Variants in CELF2 observed in about 807,000 individuals in gnomAD.
CELF2 encodes the protein CUG triplet repeat RNA-binding protein 2.
Under a neutral mutation model 62.6 loss-of-function variants are expected in CELF2, and 8 were observed. That is an observed-to-expected ratio of 0.13 (90% CI 0.07 to 0.23). The LOEUF (loss-of-function observed/expected upper bound fraction) is 0.23, where lower values mean the gene tolerates loss of function less well. Among genes scored for constraint, CELF2 ranks in the 10% least tolerant of loss-of-function variants. The pLI is 1.00. For synonymous variants in CELF2, 258 were observed against 250.0 expected (o/e 1.03, Z -0.30); for missense variants, 333 against 671.0 (o/e 0.50, Z 5.56).
At chr10:10,961,434 C>G (rs751260544) in intron 2 of CELF2, among the ~76,000 whole-genome samples, 3 of 152,104 alleles carry the variant, frequency 2.0e-5, no homozygotes, top group Non-Finnish European at 4.4e-5. Context: ...CTCAGTAACA[C>G]GGAAGATTTT....
Position 11,306,221 on chromosome 10 carries a change from GGT to G in CELF2, c.977-7915_977-7914del. On this transcript the variant is annotated intron_variant, in intron 9 of 12. Coordinates refer to ENST00000633077, the MANE Select transcript of CELF2 (RefSeq NM_001326342.2). The surrounding 1 kb of genome is among the most constrained non-coding windows in gnomAD (Gnocchi z 4.4). ...GGATGGTGCAGCCTCTGCTTGAAGA[GGT>G]GTTCTGGGAGATTATGAACCAACAT... Among the ~76,000 whole-genome samples the G allele has an allele frequency of 6.6e-6, 1 of 151,890 alleles. No homozygotes were observed. The highest frequency in any genetic ancestry group is 1.5e-5 in the Non-Finnish European group (1 of 67,998).
intron 1 of CELF2, among the ~76,000 whole-genome samples, chr10:10,833,221 GGCACATA>G (rs2058020855): frequency 6.6e-6 from 1 of 152,158 alleles, no homozygotes; most frequent in South Asian, 2.1e-4. Flanking sequence ...TTAGCATTAT[GGCACATA>G]GCCCATTCTC....
chr10:10,687,495 G>A, the CELF2 span, among the ~76,000 whole-genome samples: 3,223 of 152,164 alleles, frequency 0.021, 91 homozygotes, highest in South Asian at 0.077. Flanking sequence ...TTGAAAAGTA[G>A]GTATTGTTCT....
intron 1 of CELF2, among the ~76,000 whole-genome samples, chr10:10,855,418 A>G (rs545950990): frequency 6.6e-6 from 1 of 152,332 alleles, no homozygotes; most frequent in South Asian, 2.1e-4. Flanking sequence ...ATCCATTGGC[A>G]CTGGTGTGAA....
chr10:11,155,879 C>T (rs1434728924), intron 1 of CELF2, among the ~76,000 whole-genome samples: 1 of 152,176 alleles, frequency 6.6e-6, no homozygotes, highest in African/African-American at 2.4e-5. Context: ...TCCTTGATTA[C>T]ACATCATTTA....
At position 11,223,020 on chromosome 10, in the gene CELF2, C is replaced by T. The variant is rs74896699; in HGVS notation, c.354+5513C>T. ...AAGTCCTCCCCGTTCTCTGTGCAGC[C>T]TGCTGGCTTAGTCTCAATTACTTTG... On this transcript the variant is annotated intron_variant, in intron 3 of 12. Coordinates refer to ENST00000633077, the MANE Select transcript of CELF2 (RefSeq NM_001326342.2). This position sits in a 1 kb window ranked among gnomAD's most constrained non-coding sequence, Gnocchi z 5.1. Among the ~76,000 whole-genome samples the T allele has an allele frequency of 0.061, 9,346 of 152,304 alleles. 399 individuals carry two copies. The highest frequency in any genetic ancestry group is 0.12 in the African/African-American group (5,066 of 41,552).
At chr10:10,624,273 T>A in the CELF2 span, among the ~76,000 whole-genome samples, 1 of 152,252 alleles carries the variant, frequency 6.6e-6, no homozygotes, top group East Asian at 1.9e-4. Flanking sequence ...AAATCTGGTC[T>A]GTATCAGTTT....
At chr10:11,088,160 G>T (rs2047323510) in intron 1 of CELF2, among the ~76,000 whole-genome samples, 1 of 152,220 alleles carries the variant, frequency 6.6e-6, no homozygotes, top group Non-Finnish European at 1.5e-5. Context: ...CAGAAAGGAG[G>T]CTAGAGTGAA....
the CELF2 span, among the ~76,000 whole-genome samples, chr10:10,473,389 C>T: frequency 6.6e-6 from 1 of 151,932 alleles, no homozygotes; most frequent in African/African-American, 2.4e-5. Flanking sequence ...TGCTAACCTG[C>T]TTATTTTGAA....
chr10:10,856,107 C>A (rs1224271702), intron 1 of CELF2, among the ~76,000 whole-genome samples: 4 of 152,088 alleles, frequency 2.6e-5, no homozygotes, highest in Admixed American at 2.6e-4. Flanking sequence ...ACTGAGTGAG[C>A]CAGAGCTTCT....
Position 11,332,343 on chromosome 10 carries a change from T to G in CELF2, c.*3290T>G, listed in dbSNP as rs2096042902. 1 of 152,278 alleles carries G rather than the reference T, an allele frequency of 6.6e-6. No homozygotes were observed. Among genetic ancestry groups the G allele is most frequent in the East Asian group, 1.9e-4 (1 of 5,202 alleles). The allele number at this position is 152,278 out of a possible 1,614,324, so 9.4% of individuals were successfully genotyped here. ...CTAAATAATATTTCTAATCAGCCAT[T>G]ATGCTGGGGCATCTCTGATCCCAGT... On this transcript the variant is annotated 3_prime_UTR_variant, in exon 13 of 13. Transcript: ENST00000633077.
chr10:11,147,500 G>A (rs2132511485), intron 1 of CELF2, among the ~76,000 whole-genome samples: 2 of 152,186 alleles, frequency 1.3e-5, no homozygotes, highest in Middle Eastern at 6.8e-3. Flanking sequence ...TGAGCCCCAG[G>A]AGCTTCTGTA....
chr10:10,719,725 T>C, the CELF2 span, among the ~76,000 whole-genome samples: 1 of 152,184 alleles, frequency 6.6e-6, no homozygotes, highest in Non-Finnish European at 1.5e-5. Flanking sequence ...CTGTGCCTCA[T>C]CTAATCTGTA....
In CELF2 at chr10:11,314,209, A is replaced by G. The variant is rs763813759; in HGVS notation, c.1047A>G (p.Gln349=). The change falls in exon 10 of 13, where the codon CAA becomes CAG. Residue 349 remains glutamine (Q), a synonymous_variant. Transcript: ENST00000633077. The surrounding 1 kb of genome is among the most constrained non-coding windows in gnomAD (Gnocchi z 5.3). Reference sequence around the variant, plus strand: ...CCTTGACCTCTCTCGGGACTCTGCAAGGACTGGCTGGAGCCACTGTTGGAC... The same window carrying G: ...CCTTGACCTCTCTCGGGACTCTGCAGGGACTGGCTGGAGCCACTGTTGGAC... ...MNSLTSLGTL[Q]GLAGATVGLN... The G allele has an allele frequency of 6.2e-7, 1 of 1,614,164 alleles. No individual in the cohort carries two copies. Among genetic ancestry groups the G allele is most frequent in the Non-Finnish European group, 8.5e-7 (1 of 1,179,988 alleles).
At chr10:10,699,051 C>G in the CELF2 span, among the ~76,000 whole-genome samples, 21 of 151,664 alleles carry the variant, frequency 1.4e-4, no homozygotes, top group Admixed American at 4.6e-4. Flanking sequence ...TGTATGTTAT[C>G]TACGTATATT....
At chr10:11,086,514 T>C (rs1333565624) in intron 1 of CELF2, among the ~76,000 whole-genome samples, 1 of 144,120 alleles carries the variant, frequency 6.9e-6, no homozygotes, top group Non-Finnish European at 1.5e-5. Flanking sequence ...TCCAAAATAT[T>C]TGATAACACT....
intron 1 of CELF2, among the ~76,000 whole-genome samples, chr10:11,132,619 T>C (rs748265582): frequency 4.6e-5 from 7 of 152,226 alleles, no homozygotes; most frequent in Non-Finnish European, 8.8e-5. Flanking sequence ...TGCAGAAAGT[T>C]ACAGCTCATT....
At chr10:11,124,430 G>C (rs2058323563) in intron 1 of CELF2, among the ~76,000 whole-genome samples, 3 of 152,170 alleles carry the variant, frequency 2.0e-5, no homozygotes, top group Admixed American at 2.0e-4. Flanking sequence ...AATGGGATGG[G>C]ATAAAGGTTG....
In CELF2 at chr10:11,227,898, G is replaced by C. The variant is rs1401251828; in HGVS notation, c.354+10391G>C. On this transcript the variant is annotated intron_variant, in intron 3 of 12. Transcript: ENST00000633077. This position sits in a 1 kb window ranked among gnomAD's most constrained non-coding sequence, Gnocchi z 4.8. ...TGGGTCGCTGGGTGTATTTTAATCT[G>C]TGACATTCCACACTTTGTGTACTCA... Among the ~76,000 whole-genome samples the C allele has an allele frequency of 6.6e-6, 1 of 152,126 alleles. No individual in the cohort carries two copies. Among genetic ancestry groups the C allele is most frequent in the African/African-American group, 2.4e-5 (1 of 41,434 alleles).
Sources: gnomAD v4.1 joint callset for allele counts (sites outside exome capture counted in the v4.1 genomes callset) on GRCh38, gnomAD v4.1.1 for gene constraint, Gnocchi (gnomAD v3.1) non-coding constraint, MANE v1.5 for transcripts, NCBI Gene and HGNC (gene_info 2026-07-23, HGNC 2026-07-21) for gene names.